Variants in HIPK3 observed in about 807,000 individuals in gnomAD.
HIPK3 encodes homeodomain interacting protein kinase 3.
HIPK3 carries 47 observed loss-of-function variants against 124.2 expected under a neutral mutation model. That is an observed-to-expected ratio of 0.38 (90% CI 0.30 to 0.48). The LOEUF (loss-of-function observed/expected upper bound fraction) is 0.48. HIPK3 is among the 20% of genes least tolerant of loss of function. The pLI is 0.98. For synonymous variants in HIPK3, 482 were observed against 515.2 expected, an observed-to-expected ratio of 0.94 and a Z score of 0.87; for missense variants, 1,286 against 1,454.3, an observed-to-expected ratio of 0.88 and a Z score of 1.88.
chr11:33,330,668 G>A lies in HIPK3; in HGVS notation c.1221+2035G>A, dbSNP rs527639261. Among the ~76,000 whole-genome samples, 23 of 152,234 alleles carry A rather than the reference G, an allele frequency of 1.5e-4. 1 individual carries two copies. In the South Asian group the frequency reaches 3.9e-3, roughly 26 times the overall value. ...AAAATATTTTACAAAATACATGAAT[G>A]CAAAGCAAATAAATTGTAGTGATTT... is the stretch of plus-strand genomic sequence containing the variant. On this transcript the variant is annotated intron_variant, in intron 3 of 16. Coordinates refer to ENST00000303296, the MANE Select transcript of HIPK3 (RefSeq NM_005734.5).
intron 14 of HIPK3, among the ~76,000 whole-genome samples, chr11:33,349,731 A>G (rs1042536829): frequency 3.3e-5 from 5 of 151,940 alleles, no homozygotes; most frequent in African/African-American, 1.2e-4. Flanking sequence ...GATTACAGGC[A>G]TGAGCCACCA....
At chr11:33,280,947 C>G (rs1215458830) in intron 1 of HIPK3, among the ~76,000 whole-genome samples, 1 of 152,022 alleles carries the variant, frequency 6.6e-6, no homozygotes, top group African/African-American at 2.4e-5. Flanking sequence ...TTTAGTGTGA[C>G]TCTACATGGC....
At chr11:33,294,250 A>C (rs1050467925) in intron 2 of HIPK3, among the ~76,000 whole-genome samples, 1 of 151,548 alleles carries the variant, frequency 6.6e-6, no homozygotes, top group Non-Finnish European at 1.5e-5. Context: ...TTTTACATTG[A>C]AATTATCTTC....
intron 1 of HIPK3, among the ~76,000 whole-genome samples, chr11:33,273,384 CT>C (rs1362772432): frequency 6.6e-6 from 1 of 151,620 alleles, no homozygotes; most frequent in East Asian, 2.0e-4. Flanking sequence ...TGGCGGGCAC[CT>C]GTAGTCCCAG....
rs765332302 is a variant in HIPK3, at chr11:33,347,654, T to A, written c.2045T>A (p.Met682Lys). 1.9e-6 allele frequency: 3 copies of A among 1,614,164 alleles called. No individual in the cohort carries two copies. In the East Asian group the frequency reaches 6.7e-5, roughly 36 times the overall value. The part of the protein sequence containing the change: ...SQTWSGRTQQ[M>K]LVPAWQQVTP... ...ACGTGGTCTGGTAGAACACAGCAGA[T>A]GCTGGTGCCTGCCTGGCAACAGGTG... The change falls in exon 10 of 17, where the codon ATG (methionine) becomes AAG (lysine). Residue 682 changes from methionine (M) to lysine (K), a missense_variant. Physicochemically the swap from Met to Lys is moderately conservative, Grantham distance 95 (BLOSUM62 -1). Transcript: ENST00000303296.
At chr11:33,331,309 T>G (rs1852976006) in intron 3 of HIPK3, among the ~76,000 whole-genome samples, 1 of 152,220 alleles carries the variant, frequency 6.6e-6, no homozygotes, top group African/African-American at 2.4e-5. Context: ...AGGGTATGTC[T>G]CTCTCTATTA....
At chr11:33,299,977 G>A (rs1851948486) in intron 2 of HIPK3, among the ~76,000 whole-genome samples, 1 of 139,424 alleles carries the variant, frequency 7.2e-6, no homozygotes, top group South Asian at 2.3e-4. Flanking sequence ...AGCAGAGACT[G>A]TGCCACTGCA....
intron 2 of HIPK3, among the ~76,000 whole-genome samples, chr11:33,323,155 T>C (rs1852713634): frequency 6.6e-6 from 1 of 152,246 alleles, no homozygotes; most frequent in Non-Finnish European, 1.5e-5. Flanking sequence ...AGTGCAGATA[T>C]GTGTTAAAAC....
chr11:33,334,058 T>C (rs570271397), intron 3 of HIPK3, among the ~76,000 whole-genome samples: 1 of 152,284 alleles, frequency 6.6e-6, no homozygotes, highest in African/African-American at 2.4e-5. Flanking sequence ...AACAGCACTT[T>C]AACGAAATGA....
Position 33,339,346 on chromosome 11 carries a change from T to C in HIPK3, c.1429-4T>C, listed in dbSNP as rs749268746. The C allele has an allele frequency of 6.2e-7, 1 of 1,607,294 alleles. No homozygotes were observed. Among genetic ancestry groups the C allele is most frequent in the South Asian group, 1.1e-5 (1 of 90,718 alleles). On this transcript the variant is annotated splice_polypyrimidine_tract_variant and splice_region_variant and intron_variant, in intron 5 of 16. Coordinates refer to ENST00000303296, the MANE Select transcript of HIPK3 (RefSeq NM_005734.5). ...TTGATGGCTTGAAATTTTGATTTTCTTAGGTGAACACAGTGATGGATTTGG... is the reference window on the plus strand; with the variant it reads ...TTGATGGCTTGAAATTTTGATTTTCCTAGGTGAACACAGTGATGGATTTGG...
intron 8 of HIPK3, among the ~76,000 whole-genome samples, chr11:33,346,197 A>G (rs916172704): frequency 2.0e-5 from 3 of 152,150 alleles, no homozygotes; most frequent in Non-Finnish European, 4.4e-5. Context: ...TAATATTTGC[A>G]AGGTGCTTTG....
At chr11:33,308,319 C>G (rs1386959644) in intron 2 of HIPK3, among the ~76,000 whole-genome samples, 5 of 152,094 alleles carry the variant, frequency 3.3e-5, no homozygotes, top group Non-Finnish European at 2.9e-5. Context: ...GTAAATCCTC[C>G]TGATTGTTCT....
Position 33,286,579 on chromosome 11 carries a change from T to C in HIPK3, c.165T>C (p.Pro55=). ...GTAGAAACTTTGGAAATTCTCATCC[T>C]CCCACTAAGGGTAGTGCTTTTCAGA... The part of the protein sequence containing the change: ...VNGRNFGNSH[P]PTKGSAFQTK... Residue 55 remains proline (P), a synonymous_variant, in exon 2 of 17, where the codon CCT becomes CCC. Coordinates refer to ENST00000303296, the MANE Select transcript of HIPK3 (RefSeq NM_005734.5). 1 of 1,614,158 alleles carries C rather than the reference T, an allele frequency of 6.2e-7. No homozygotes were observed. Among genetic ancestry groups the C allele is most frequent in the Non-Finnish European group, 8.5e-7 (1 of 1,180,026 alleles).
chr11:33,257,175 G>C (rs890702213), upstream of HIPK3: 2 of 935,512 alleles, frequency 2.1e-6, no homozygotes, highest in African/African-American at 3.6e-5. Context: ...GGGGCCGCAC[G>C]GGCTGGCAGG....
At position 33,349,201 on chromosome 11, in the gene HIPK3, G is replaced by A. The variant is rs1326436946; in HGVS notation, c.2721G>A (p.Arg907=). 4 of 1,613,532 alleles carry A rather than the reference G, an allele frequency of 2.5e-6. No homozygotes were observed. The African/African-American group carries it at 5.3e-5, about 22-fold the overall frequency. ...EACQSTLNID[R]MCSLSSPDST... ...GCCAGAGCACTTTGAATATTGATCG[G>A]ATGTGTTCATTAAGTAGTCCTGATA... Residue 907 remains arginine (R), a synonymous_variant, in exon 14 of 17, where the codon CGG becomes CGA. Coordinates refer to ENST00000303296, the MANE Select transcript of HIPK3 (RefSeq NM_005734.5).
intron 2 of HIPK3, among the ~76,000 whole-genome samples, chr11:33,325,280 T>C (rs1166878959): frequency 2.6e-5 from 4 of 152,256 alleles, no homozygotes; most frequent in Non-Finnish European, 4.4e-5. Flanking sequence ...TCTTAGGTGC[T>C]GTTATTGTTA....
chr11:33,269,641 A>G (rs1851068669), intron 1 of HIPK3, among the ~76,000 whole-genome samples: 1 of 151,886 alleles, frequency 6.6e-6, no homozygotes, highest in Non-Finnish European at 1.5e-5. Flanking sequence ...GTTTCTTCTA[A>G]ACTTCTTAAA....
At chr11:33,259,471 TAAA>T (rs34760779) in intron 1 of HIPK3, among the ~76,000 whole-genome samples, 1 of 152,188 alleles carries the variant, frequency 6.6e-6, no homozygotes, top group East Asian at 1.9e-4. Flanking sequence ...TGACCTTTTG[TAAA>T]AAAAGTTTTC....
intron 2 of HIPK3, among the ~76,000 whole-genome samples, chr11:33,316,754 T>C (rs907620447): frequency 1.3e-5 from 2 of 152,046 alleles, no homozygotes; most frequent in African/African-American, 2.4e-5. Context: ...ACCCTGGAGG[T>C]TGAGACTGCA....
Sources: gnomAD v4.1 joint callset for allele counts (sites outside exome capture counted in the v4.1 genomes callset) on GRCh38, gnomAD v4.1.1 for gene constraint, MANE v1.5 for transcripts, NCBI Gene and HGNC (gene_info 2026-07-23, HGNC 2026-07-21) for gene names.